CNTNAP2: variants seen among roughly 807,000 people sequenced by gnomAD.
CNTNAP2 encodes contactin associated protein 2, also known as contactin-associated protein-like 2.
In CNTNAP2, 98 loss-of-function variants were observed where a neutral mutation model predicts 155.2. The ratio of observed to expected loss-of-function variants is 0.63; its 90% CI spans 0.54 to 0.75. The LOEUF is 0.75. Ranked by LOEUF, CNTNAP2 falls within the 30% of genes least tolerant of loss-of-function variation. The pLI is 0.00. For missense variants in CNTNAP2, 1,727 were observed against 1,688.1 expected (o/e 1.02, Z -0.40); for synonymous variants, 651 against 631.2 (o/e 1.03, Z -0.47).
At chr7:147,337,816 G>T (rs976963922) in intron 9 of CNTNAP2, among the ~76,000 whole-genome samples, 1 of 152,116 alleles carries the variant, frequency 6.6e-6, no homozygotes, top group East Asian at 1.9e-4. Flanking sequence ...GCTCCAATTA[G>T]TATCCATTTT....
intron 3 of CNTNAP2, among the ~76,000 whole-genome samples, chr7:147,020,459 A>G (rs1438398985): frequency 6.6e-6 from 1 of 152,120 alleles, no homozygotes; most frequent in Non-Finnish European, 1.5e-5. Flanking sequence ...AACACTGTAC[A>G]GCTCACAAAA....
At chr7:147,728,574 A>G (rs1796683922) in intron 13 of CNTNAP2, among the ~76,000 whole-genome samples, 1 of 152,116 alleles carries the variant, frequency 6.6e-6, no homozygotes, top group African/African-American at 2.4e-5. Context: ...CTGATAATAC[A>G]TCTTTTTTCA....
chr7:146,368,057 G>C (rs1398727968), intron 1 of CNTNAP2, among the ~76,000 whole-genome samples: 1 of 151,866 alleles, frequency 6.6e-6, no homozygotes, highest in Non-Finnish European at 1.5e-5. Context: ...GAGTTCTTAG[G>C]TACATCTATA....
At chr7:147,318,763 A>G (rs35460945) in intron 9 of CNTNAP2, among the ~76,000 whole-genome samples, 5,258 of 152,260 alleles carry the variant, frequency 0.035, 123 homozygotes, top group Non-Finnish European at 0.052. Flanking sequence ...GCAAACCACC[A>G]TGGCACATGT....
At chr7:147,808,487 T>A (rs755955138) in intron 13 of CNTNAP2, among the ~76,000 whole-genome samples, 19 of 152,168 alleles carry the variant, frequency 1.2e-4, no homozygotes, top group Non-Finnish European at 2.1e-4. Flanking sequence ...ATATGTATAT[T>A]TGCACTCATT....
intron 3 of CNTNAP2, among the ~76,000 whole-genome samples, chr7:146,913,721 G>T (rs753211713): frequency 6.6e-6 from 1 of 151,768 alleles, no homozygotes; most frequent in South Asian, 2.1e-4. Context: ...TCTCCTAATG[G>T]CGTCACATAG....
rs1472142437 is a variant in CNTNAP2, at chr7:146,189,332, G to A, written c.97+72359G>A. Among the ~76,000 whole-genome samples, 4 of 152,232 alleles carry A rather than the reference G, an allele frequency of 2.6e-5. No individual in the cohort carries two copies. The East Asian group carries it at 7.7e-4, about 29-fold the overall frequency. On this transcript the variant is annotated intron_variant, in intron 1 of 23. Transcript: ENST00000361727. ...TAATATTATCCTTGATGACAATGGT[G>A]ATGATGATGTTGATTAATAATACTT...
chr7:147,685,454 T>C (rs1796004332), intron 13 of CNTNAP2, among the ~76,000 whole-genome samples: 1 of 152,074 alleles, frequency 6.6e-6, no homozygotes, highest in Non-Finnish European at 1.5e-5. Flanking sequence ...TGTTACTTTC[T>C]AGATATTCAC....
intron 3 of CNTNAP2, among the ~76,000 whole-genome samples, chr7:146,889,369 C>G (rs901072374): frequency 1.3e-5 from 2 of 151,978 alleles, no homozygotes; most frequent in Non-Finnish European, 2.9e-5. Flanking sequence ...AGGACGGAGG[C>G]CAAGTGTAAA....
intron 1 of CNTNAP2, among the ~76,000 whole-genome samples, chr7:146,307,555 C>A (rs1162405587): frequency 2.0e-5 from 3 of 152,124 alleles, no homozygotes; most frequent in East Asian, 1.9e-4. Context: ...AAGCTGGAGG[C>A]ATCACACTAC....
chr7:147,062,081 T>C (rs1247147526), intron 4 of CNTNAP2, among the ~76,000 whole-genome samples: 2 of 120,126 alleles, frequency 1.7e-5, no homozygotes, highest in Non-Finnish European at 3.2e-5. Flanking sequence ...TGAGCCGAGA[T>C]CGCACCACTG....
intron 15 of CNTNAP2, among the ~76,000 whole-genome samples, chr7:148,000,143 G>A (rs1801871779): frequency 6.6e-6 from 1 of 152,166 alleles, no homozygotes; most frequent in African/African-American, 2.4e-5. Flanking sequence ...AGGATAAAGG[G>A]AAGGTACTTC....
intron 13 of CNTNAP2, among the ~76,000 whole-genome samples, chr7:147,768,002 C>T (rs1334509893): frequency 6.6e-6 from 1 of 152,028 alleles, no homozygotes; most frequent in Non-Finnish European, 1.5e-5. Context: ...TCACCTGCTC[C>T]CAGGCAGCAG....
At chr7:147,640,162 TG>T (rs774046626) in intron 13 of CNTNAP2, among the ~76,000 whole-genome samples, 1 of 150,212 alleles carries the variant, frequency 6.7e-6, no homozygotes, top group Non-Finnish European at 1.5e-5. Flanking sequence ...CAATATGATA[TG>T]ATATATATAT....
intron 8 of CNTNAP2, among the ~76,000 whole-genome samples, chr7:147,292,147 C>T (rs1377752298): frequency 2.6e-5 from 4 of 152,126 alleles, no homozygotes; most frequent in Non-Finnish European, 5.9e-5. Flanking sequence ...CTGTTAGCCC[C>T]CAGGTCCTGA....
intron 17 of CNTNAP2, among the ~76,000 whole-genome samples, chr7:148,160,647 G>A (rs982093801): frequency 3.9e-5 from 6 of 152,100 alleles, no homozygotes; most frequent in Non-Finnish European, 4.4e-5. Context: ...TTCCATCTAT[G>A]TTCTCAAGAC....
intron 3 of CNTNAP2, among the ~76,000 whole-genome samples, chr7:147,008,851 T>C (rs1798573079): frequency 6.6e-6 from 1 of 152,088 alleles, no homozygotes; most frequent in South Asian, 2.1e-4. Flanking sequence ...GGTTATTCTT[T>C]TTCTGATACA....
intron 21 of CNTNAP2, among the ~76,000 whole-genome samples, chr7:148,281,580 A>T (rs1796973830): frequency 6.6e-6 from 1 of 152,220 alleles, no homozygotes; most frequent in Non-Finnish European, 1.5e-5. Context: ...AATCTTCTCA[A>T]GGCTGAAGGA....
At chr7:148,164,217 C>T (rs1562980151) in intron 17 of CNTNAP2, among the ~76,000 whole-genome samples, 1 of 152,170 alleles carries the variant, frequency 6.6e-6, no homozygotes, top group East Asian at 1.9e-4. Context: ...GGATTGTAGG[C>T]ATAAGCCACC....
Sources: gnomAD v4.1 joint callset for allele counts (sites outside exome capture counted in the v4.1 genomes callset) on GRCh38, gnomAD v4.1.1 for gene constraint, MANE v1.5 for transcripts, NCBI Gene and HGNC (gene_info 2026-07-23, HGNC 2026-07-21) for gene names.